Variants in AGBL1 observed in about 807,000 individuals in gnomAD.
AGBL1 encodes cytosolic carboxypeptidase 4.
A neutral mutation model predicts 118.9 loss-of-function variants in AGBL1; 130 were observed. The observed-to-expected ratio is 1.09, with a 90% CI of 0.95 to 1.26. The LOEUF is 1.26. Among genes scored for constraint, AGBL1 ranks in the 50% most tolerant of loss-of-function variants. The pLI is 0.00. For missense variants in AGBL1, 1,584 were observed against 1,298.1 expected (o/e 1.22, Z -3.38); for synonymous variants, 555 against 478.9 (o/e 1.16, Z -2.08).
intron 22 of AGBL1, among the ~76,000 whole-genome samples, chr15:86,729,351 C>T (rs1242733334): frequency 6.6e-6 from 1 of 152,096 alleles, no homozygotes; most frequent in Non-Finnish European, 1.5e-5. Flanking sequence ...TTGTGTGTCA[C>T]TGAGGTTTGG....
intron 5 of AGBL1, among the ~76,000 whole-genome samples, chr15:86,164,373 C>G (rs1370511457): frequency 6.6e-6 from 1 of 152,168 alleles, no homozygotes. Context: ...TGTCTTTGAG[C>G]TGTCCAAACT....
At chr15:86,298,415 C>T (rs1021624440) in intron 17 of AGBL1, among the ~76,000 whole-genome samples, 4 of 145,380 alleles carry the variant, frequency 2.8e-5, no homozygotes, top group Non-Finnish European at 6.0e-5. Flanking sequence ...CATGCCGTTG[C>T]TGTGTTTCTA....
At chr15:86,341,864 T>TA (rs2080466814) in intron 17 of AGBL1, among the ~76,000 whole-genome samples, 1 of 152,164 alleles carries the variant, frequency 6.6e-6, no homozygotes, top group Non-Finnish European at 1.5e-5. Context: ...AGTAACACTT[T>TA]TTTTTAAGAC....
At chr15:86,609,554 C>G (rs774224360) in intron 21 of AGBL1, among the ~76,000 whole-genome samples, 13 of 152,032 alleles carry the variant, frequency 8.6e-5, no homozygotes, top group Non-Finnish European at 1.9e-4. Flanking sequence ...GGTTTAATAC[C>G]GTTTTAGTCG....
chr15:86,709,707 C>CAT (rs2086520003), intron 22 of AGBL1, among the ~76,000 whole-genome samples: 1 of 152,130 alleles, frequency 6.6e-6, no homozygotes, highest in Non-Finnish European at 1.5e-5. Flanking sequence ...GGGAAGACAG[C>CAT]ATGGTGTGAT....
chr15:86,685,673 ATT>A (rs1308561624), intron 22 of AGBL1, among the ~76,000 whole-genome samples: 1 of 152,152 alleles, frequency 6.6e-6, no homozygotes, highest in East Asian at 1.9e-4. Flanking sequence ...GATTAATACT[ATT>A]TTATAGATAA....
chr15:86,649,787 T>A (rs2469185), intron 21 of AGBL1, among the ~76,000 whole-genome samples: 2 of 150,086 alleles, frequency 1.3e-5, no homozygotes, highest in Non-Finnish European at 3.0e-5. Flanking sequence ...GGGGGGCTTA[T>A]AATATAATGC....
At chr15:87,004,026 C>T (rs1167584820) in intron 24 of AGBL1, among the ~76,000 whole-genome samples, 1 of 152,082 alleles carries the variant, frequency 6.6e-6, no homozygotes, top group East Asian at 1.9e-4. Context: ...TGTGTTTGCT[C>T]TTGATTCTCT....
chr15:86,353,061 T>C (rs556858419), intron 17 of AGBL1, among the ~76,000 whole-genome samples: 2 of 152,354 alleles, frequency 1.3e-5, no homozygotes, highest in African/African-American at 2.4e-5. Context: ...TGTTGCAGTA[T>C]ATATGAAACT....
At chr15:86,577,013 G>A (rs1342415811) in intron 21 of AGBL1, among the ~76,000 whole-genome samples, 1 of 152,188 alleles carries the variant, frequency 6.6e-6, no homozygotes, top group Non-Finnish European at 1.5e-5. Flanking sequence ...ATAGGATTCT[G>A]CTGAAAAGAT....
intron 17 of AGBL1, among the ~76,000 whole-genome samples, chr15:86,342,382 G>A (rs1447500828): frequency 1.3e-5 from 2 of 152,144 alleles, no homozygotes; most frequent in Non-Finnish European, 2.9e-5. Context: ...TATCTTTTGG[G>A]ATGATGAAGA....
intron 7 of AGBL1, among the ~76,000 whole-genome samples, chr15:86,255,665 C>T (rs986497721): frequency 5.3e-5 from 8 of 152,012 alleles, no homozygotes; most frequent in Non-Finnish European, 1.0e-4. Flanking sequence ...ATCTGTAATC[C>T]CAGCTTCTCA....
chr15:86,924,105 G>A (rs1188987969), intron 23 of AGBL1, among the ~76,000 whole-genome samples: 1 of 152,200 alleles, frequency 6.6e-6, no homozygotes, highest in African/African-American at 2.4e-5. Flanking sequence ...TAGATAAAAT[G>A]TCTATTCATG....
chr15:86,918,940 C>A (rs1167935383), downstream of AGBL1, among the ~76,000 whole-genome samples: 1 of 152,160 alleles, frequency 6.6e-6, no homozygotes, highest in Admixed American at 6.5e-5. Context: ...TCTTCTGGGT[C>A]TCTGTCTGTC....
chr15:86,535,924 A>T (rs575823118), intron 19 of AGBL1, among the ~76,000 whole-genome samples: 68 of 152,280 alleles, frequency 4.5e-4, no homozygotes, highest in African/African-American at 1.5e-3. Context: ...TTATTTTCAT[A>T]ACTCGTGTTA....
intron 22 of AGBL1, among the ~76,000 whole-genome samples, chr15:86,837,636 CTG>C (rs1270238793): frequency 2.0e-5 from 3 of 152,086 alleles, no homozygotes; most frequent in Admixed American, 6.6e-5. Context: ...AAAATAGAAA[CTG>C]TGTGAGAAAA....
At chr15:86,526,059 G>A (rs2083257864) in intron 19 of AGBL1, among the ~76,000 whole-genome samples, 1 of 152,116 alleles carries the variant, frequency 6.6e-6, no homozygotes. Flanking sequence ...GTTAAATGAC[G>A]TGAACAGATA....
chr15:86,419,445 CCA>C (rs2081753968), intron 18 of AGBL1, among the ~76,000 whole-genome samples: 1 of 152,166 alleles, frequency 6.6e-6, no homozygotes, highest in Non-Finnish European at 1.5e-5. Context: ...TATGCTTTTC[CCA>C]CAGTCTTTGC....
chr15:86,786,873 G>T (rs1009326080), intron 22 of AGBL1, among the ~76,000 whole-genome samples: 2 of 152,090 alleles, frequency 1.3e-5, no homozygotes, highest in Non-Finnish European at 1.5e-5. Flanking sequence ...TTGTACCCTT[G>T]TACTACTGTT....
Sources: allele counts gnomAD v4.1 joint callset (sites outside exome capture counted in the v4.1 genomes callset), GRCh38; gene constraint gnomAD v4.1.1; transcripts MANE v1.5; gene names NCBI Gene and HGNC (gene_info 2026-07-23, HGNC 2026-07-21).